Variants in GJC1 observed in about 807,000 individuals in gnomAD.
GJC1 encodes gap junction protein gamma 1.
Under a neutral mutation model 29.3 loss-of-function variants are expected in GJC1, and 5 were observed. The ratio of observed to expected loss-of-function variants is 0.17; its 90% confidence interval spans 0.09 to 0.36. GJC1 has a LOEUF of 0.36. Ranked by LOEUF, GJC1 falls within the 10% of genes least tolerant of loss-of-function variation. The pLI is 1.00. For missense variants in GJC1, 310 were observed against 496.2 expected (o/e 0.62, Z 3.56); for synonymous variants, 177 against 183.3 (o/e 0.97, Z 0.28).
downstream of GJC1, chr17:44,794,901 T>C (rs962467541): frequency 6.6e-6 from 1 of 152,150 alleles, no homozygotes; most frequent in Admixed American, 6.5e-5. Flanking sequence ...CTTAGGTTTT[T>C]CTTTCAGAAG....
downstream of GJC1, among the ~76,000 whole-genome samples, chr17:44,796,719 TTA>T (rs1444692897): frequency 1.3e-5 from 2 of 150,168 alleles, no homozygotes; most frequent in African/African-American, 4.9e-5. Flanking sequence ...TCCATGTAAA[TTA>T]TATCTTAATA....
At chr17:44,821,697 C>CAAAAAAAAAAAAAAAAAAAAAAAAAAA (rs61303163) in intron 1 of GJC1, among the ~76,000 whole-genome samples, 5 of 58,370 alleles carry the variant, frequency 8.6e-5, no homozygotes, top group African/African-American at 3.9e-4. Context: ...AACTCCGTCT[C>CAAAAAAAAAAAAAAAAAAAAAAAAAAA]AAAAAAAAAA....
chr17:44,800,329 C>CA lies in GJC1; in HGVS notation c.*4297dup, dbSNP rs1196720146. Reference sequence around the variant, plus strand: ...TTCACCATGTTGGCCAGGCTGGTCTCAAACTCCTGACCTTGTGATTCGCCC... The same window carrying CA: ...TTCACCATGTTGGCCAGGCTGGTCTCAAAACTCCTGACCTTGTGATTCGCCC... On this transcript the variant is annotated 3_prime_UTR_variant, in exon 3 of 3. Transcript: ENST00000592524. 4 of 152,120 alleles carry CA rather than the reference C, an allele frequency of 2.6e-5. No homozygotes were observed. Among genetic ancestry groups the CA allele is most frequent in the Non-Finnish European group, 1.5e-5 (1 of 68,034 alleles). The allele number at this position is 152,120 out of a possible 1,614,324, so 9.4% of individuals were successfully genotyped here. A position where few individuals can be genotyped will look rare whatever the true frequency, so the allele number is the denominator to read the frequency against.
At chr17:44,818,473 A>G (rs1433156357) in intron 1 of GJC1, among the ~76,000 whole-genome samples, 1 of 150,642 alleles carries the variant, frequency 6.6e-6, no homozygotes, top group East Asian at 2.0e-4. Flanking sequence ...TCACTTCCAC[A>G]TATATCTTTG....
At chr17:44,827,762 C>T (rs1327967893) in intron 1 of GJC1, among the ~76,000 whole-genome samples, 1 of 152,032 alleles carries the variant, frequency 6.6e-6, no homozygotes, top group East Asian at 1.9e-4. Flanking sequence ...GAAACCCCAT[C>T]TCTGCTAAAA....
At chr17:44,816,134 A>AAAAG (rs2050041183) in intron 1 of GJC1, among the ~76,000 whole-genome samples, 1 of 149,758 alleles carries the variant, frequency 6.7e-6, no homozygotes, top group African/African-American at 2.5e-5. Context: ...AAAAAAAAAA[A>AAAAG]AAAAGTTGCT....
intron 1 of GJC1, among the ~76,000 whole-genome samples, chr17:44,821,726 C>CAAAAAAAAAAA (rs1338508082): frequency 1.3e-5 from 1 of 75,480 alleles, no homozygotes; most frequent in African/African-American, 5.1e-5. Context: ...AAAAAAAAAA[C>CAAAAAAAAAAA]AACAAAAAAA....
At chr17:44,823,941 G>A (rs537291683) in intron 1 of GJC1, among the ~76,000 whole-genome samples, 3 of 151,976 alleles carry the variant, frequency 2.0e-5, no homozygotes, top group African/African-American at 4.8e-5. Flanking sequence ...TCGATCTCCT[G>A]ATCTCATGAC....
intron 1 of GJC1, among the ~76,000 whole-genome samples, chr17:44,810,084 G>C (rs1430831406): frequency 6.7e-6 from 1 of 149,238 alleles, no homozygotes. Context: ...AGATGGTCTC[G>C]ATCTCCTGAC....
At chr17:44,814,600 G>T (rs893074231) in intron 1 of GJC1, among the ~76,000 whole-genome samples, 12 of 152,068 alleles carry the variant, frequency 7.9e-5, no homozygotes, top group Non-Finnish European at 1.2e-4. Flanking sequence ...ACTGATCAGT[G>T]CACATGTGAG....
At chr17:44,817,350 T>C (rs1392259566) in intron 1 of GJC1, among the ~76,000 whole-genome samples, 1 of 151,730 alleles carries the variant, frequency 6.6e-6, no homozygotes, top group South Asian at 2.1e-4. Flanking sequence ...AAGAATTACA[T>C]TACAGATGGA....
In GJC1 at chr17:44,804,599, A is replaced by G. The variant is rs1168646485; in HGVS notation, c.*28T>C. On this transcript the variant is annotated 3_prime_UTR_variant, in exon 3 of 3. Transcript: ENST00000592524. ...GAGCTGCTGCTTACCATAAACTATG[A>G]AAAGCACAGGTTTTAAGCCCGCCAG... is the stretch of plus-strand genomic sequence containing the variant. 1 of 1,506,086 alleles carries G rather than the reference A, an allele frequency of 6.6e-7. No homozygotes were observed. The highest frequency in any genetic ancestry group is 9.1e-7 in the Non-Finnish European group (1 of 1,095,062). The allele number at this position is 1,506,086 out of a possible 1,614,324, so 93.3% of individuals were successfully genotyped here. A position where few individuals can be genotyped will look rare whatever the true frequency, so the allele number is the denominator to read the frequency against.
At chr17:44,796,820 CACAT>C (rs1033704740), downstream of GJC1, among the ~76,000 whole-genome samples, 8 of 151,618 alleles carry the variant, frequency 5.3e-5, no homozygotes, top group Non-Finnish European at 7.4e-5. Flanking sequence ...CACACACACA[CACAT>C]ACACACACAC....
chr17:44,805,558 G>A lies in GJC1; in HGVS notation c.260C>T (p.Pro87Leu). 6.2e-7 allele frequency: 1 copy of A among 1,614,182 alleles called. No individual in the cohort carries two copies. Among genetic ancestry groups the A allele is most frequent in the South Asian group, 1.1e-5 (1 of 91,080 alleles). Residue 87 changes from proline (P) to leucine (L), a missense_variant, in exon 3 of 3, where the codon CCC (proline) becomes CTC (leucine). By Grantham distance (98) the Pro-to-Leu change is moderately conservative. This residue lies in a region of GJC1 where 82 missense variants were observed against 100.7 expected (regional missense o/e 0.81). Transcript: ENST00000592524. This position sits in a 1 kb window ranked among gnomAD's most constrained non-coding sequence, Gnocchi z 5.1. Reference sequence around the variant, plus strand: ...AGCATAGCCCAGGTACATCACAGAGGGAGTTGCCACCAGGATGATCTGGAA... The same window carrying A: ...AGCATAGCCCAGGTACATCACAGAGAGAGTTGCCACCAGGATGATCTGGAA... ...WVFQIILVAT[P>L]SVMYLGYAIH...
chr17:44,826,646 G>A (rs1036336454), intron 1 of GJC1, among the ~76,000 whole-genome samples: 2 of 152,092 alleles, frequency 1.3e-5, no homozygotes, highest in Non-Finnish European at 2.9e-5. Context: ...TATTGCCAAG[G>A]ACTGCTCTCA....
intron 1 of GJC1, among the ~76,000 whole-genome samples, chr17:44,811,113 T>C (rs2049975780): frequency 6.6e-6 from 1 of 151,990 alleles, no homozygotes; most frequent in African/African-American, 2.4e-5. Context: ...GTTTCGCTTT[T>C]GTTGCCCAAG....
At chr17:44,816,143 C>CT (rs1037103332) in intron 1 of GJC1, among the ~76,000 whole-genome samples, 171 of 135,360 alleles carry the variant, frequency 1.3e-3, no homozygotes, top group African/African-American at 4.4e-3. Flanking sequence ...AAAAAAGTTG[C>CT]TTTTTTCTAG....
rs2049889187 is a variant in GJC1, at chr17:44,804,545, T to A, written c.*82A>T. ...ATCCCTGAAGATAACCAGAGCCAAA[T>A]GTTTACTCAATGGAAGTCATTATTC... On this transcript the variant is annotated 3_prime_UTR_variant, in exon 3 of 3. Transcript: ENST00000592524. 1.0e-5 allele frequency: 11 copies of A among 1,101,636 alleles called. No homozygotes were observed. The South Asian group carries it at 1.5e-4, about 15-fold the overall frequency. 68.2% of individuals were successfully genotyped at this position (1,101,636 alleles called of 1,614,324 possible).
chr17:44,810,024 AT>A (rs539543574), intron 1 of GJC1, among the ~76,000 whole-genome samples: 13 of 145,748 alleles, frequency 8.9e-5, no homozygotes, highest in South Asian at 2.2e-4. Context: ...ACGCTTGGCT[AT>A]TTTTTTTTTG....
Sources: gnomAD v4.1 joint callset for allele counts (sites outside exome capture counted in the v4.1 genomes callset) on GRCh38, gnomAD v4.1.1 for gene constraint, gnomAD v4.1.1 regional missense constraint, Gnocchi (gnomAD v3.1) non-coding constraint, MANE v1.5 for transcripts, NCBI Gene and HGNC (gene_info 2026-07-23, HGNC 2026-07-21) for gene names.